Variants in ENTREP2 observed in about 807,000 individuals in gnomAD.
The protein encoded by ENTREP2 is protein ENTREP2.
chr15:29,258,131 T>A, the ENTREP2 span, among the ~76,000 whole-genome samples: 300 of 149,344 alleles, frequency 2.0e-3, 2 homozygotes, highest in African/African-American at 6.9e-3. Flanking sequence ...AAGAATCGCT[T>A]GAACTCGGGA....
At chr15:29,489,925 A>T in the ENTREP2 span, among the ~76,000 whole-genome samples, 1 of 152,258 alleles carries the variant, frequency 6.6e-6, no homozygotes, top group Admixed American at 6.5e-5. Flanking sequence ...AGATCACCAC[A>T]AAAATGTTCA....
the ENTREP2 span, among the ~76,000 whole-genome samples, chr15:29,444,110 A>G: frequency 1.3e-5 from 2 of 150,662 alleles, no homozygotes; most frequent in South Asian, 4.2e-4. Flanking sequence ...CTCAAAAAGA[A>G]AGAAAGACAG....
the ENTREP2 span, among the ~76,000 whole-genome samples, chr15:29,315,198 TA>T: frequency 8.9e-4 from 135 of 152,146 alleles, no homozygotes; most frequent in South Asian, 3.9e-3. Context: ...CCATATTGAT[TA>T]AAAAAAATCA....
the ENTREP2 span, among the ~76,000 whole-genome samples, chr15:29,595,786 TA>T: frequency 2.0e-5 from 3 of 152,214 alleles, no homozygotes; most frequent in Admixed American, 2.0e-4. Context: ...GTCTCATGGA[TA>T]TTTATGTTTT....
chr15:29,555,133 G>A, the ENTREP2 span, among the ~76,000 whole-genome samples: 1 of 152,214 alleles, frequency 6.6e-6, no homozygotes, highest in Non-Finnish European at 1.5e-5. Context: ...AGAGAGAGAA[G>A]GAACCGGGGA....
the ENTREP2 span, among the ~76,000 whole-genome samples, chr15:29,275,814 G>A: frequency 6.6e-6 from 1 of 152,200 alleles, no homozygotes; most frequent in Admixed American, 6.5e-5. Flanking sequence ...CTAAAAGCAG[G>A]TGAGGACTTC....
the ENTREP2 span, among the ~76,000 whole-genome samples, chr15:29,493,751 G>A: frequency 4.6e-5 from 7 of 152,200 alleles, no homozygotes; most frequent in East Asian, 7.8e-4. Context: ...TGAGGTGGGC[G>A]AATCACCTGA....
chr15:29,135,534 G>T, the ENTREP2 span, among the ~76,000 whole-genome samples: 1 of 152,120 alleles, frequency 6.6e-6, no homozygotes, highest in Non-Finnish European at 1.5e-5. The surrounding 1 kb of genome is among the most constrained non-coding windows in gnomAD (Gnocchi z 7.4). Flanking sequence ...ACGATGATGA[G>T]GAGGAAACAA....
the ENTREP2 span, among the ~76,000 whole-genome samples, chr15:29,293,746 C>A: frequency 2.6e-5 from 4 of 152,062 alleles, no homozygotes; most frequent in Admixed American, 2.6e-4. Flanking sequence ...TGGAAGTTGG[C>A]CATGCTGAGC....
chr15:29,227,416 G>A, the ENTREP2 span, among the ~76,000 whole-genome samples: 1 of 152,148 alleles, frequency 6.6e-6, no homozygotes, highest in Non-Finnish European at 1.5e-5. Context: ...GAGTTTACAG[G>A]GGGCGGTGAG....
At chr15:29,184,979 G>C in the ENTREP2 span, among the ~76,000 whole-genome samples, 1 of 152,030 alleles carries the variant, frequency 6.6e-6, no homozygotes, top group South Asian at 2.1e-4. Flanking sequence ...AGGAGGCTGA[G>C]GCAGGAGAAT....
the ENTREP2 span, among the ~76,000 whole-genome samples, chr15:29,383,097 C>G: frequency 6.6e-6 from 1 of 152,154 alleles, no homozygotes; most frequent in Non-Finnish European, 1.5e-5. Flanking sequence ...CAACACCTGT[C>G]TCCTGAGCCC....
chr15:29,607,304 CTT>C, the ENTREP2 span, among the ~76,000 whole-genome samples: 644 of 131,740 alleles, frequency 4.9e-3, 7 homozygotes, highest in East Asian at 0.014. Flanking sequence ...CTCTTCATTT[CTT>C]TTTTTTTTTT....
the ENTREP2 span, among the ~76,000 whole-genome samples, chr15:29,198,496 AT>A: frequency 6.6e-6 from 1 of 152,222 alleles, no homozygotes; most frequent in Non-Finnish European, 1.5e-5. Context: ...GGACTTAGAC[AT>A]TTTTGTCCAT....
At chr15:29,409,487 G>C in the ENTREP2 span, among the ~76,000 whole-genome samples, 1 of 151,822 alleles carries the variant, frequency 6.6e-6, no homozygotes, top group Admixed American at 6.6e-5. Context: ...CACCACACCC[G>C]GCTAATTTTT....
At chr15:29,619,217 C>T in the ENTREP2 span, among the ~76,000 whole-genome samples, 3 of 152,068 alleles carry the variant, frequency 2.0e-5, no homozygotes, top group African/African-American at 7.2e-5. Context: ...ACGGTGAAAC[C>T]CCATCTCTAC....
At chr15:29,220,433 T>C in the ENTREP2 span, among the ~76,000 whole-genome samples, 21 of 152,358 alleles carry the variant, frequency 1.4e-4, no homozygotes, top group African/African-American at 4.8e-4. Context: ...CTGGCCTTTA[T>C]GACCGATCAG....
chr15:29,189,416 CTTGCTT>C, the ENTREP2 span, among the ~76,000 whole-genome samples: 1 of 133,096 alleles, frequency 7.5e-6, no homozygotes. Context: ...TGGAAATTGT[CTTGCTT>C]TTTTTTTTTT....
At chr15:29,269,670 G>C in the ENTREP2 span, 4 of 1,558,586 alleles carry the variant, frequency 2.6e-6, no homozygotes, top group African/African-American at 4.3e-5. Flanking sequence ...CGGCCTGGCC[G>C]CCAGAGCGGC....
Sources: allele counts gnomAD v4.1 joint callset (sites outside exome capture counted in the v4.1 genomes callset), GRCh38; gene constraint gnomAD v4.1.1; non-coding constraint Gnocchi (gnomAD v3.1); transcripts MANE v1.5; gene names NCBI Gene and HGNC (gene_info 2026-07-23, HGNC 2026-07-21).